The following SH3RF1 variants were observed in gnomAD, a reference collection of about 807,000 sequenced individuals.
SH3RF1 encodes the protein SH3 domain containing ring finger 1, also known as E3 ubiquitin-protein ligase SH3RF1.
A neutral mutation model predicts 74.0 loss-of-function variants in SH3RF1; 32 were observed. That is an observed-to-expected ratio of 0.43 (90% CI 0.33 to 0.58). The LOEUF (loss-of-function observed/expected upper bound fraction) is 0.58. Ranked by LOEUF, SH3RF1 falls within the 20% of genes least tolerant of loss-of-function variation. SH3RF1 has a pLI of 0.05. For synonymous variants in SH3RF1, 396 were observed against 439.6 expected, an observed-to-expected ratio of 0.90 and a Z score of 1.24; for missense variants, 954 against 1,130.9, an observed-to-expected ratio of 0.84 and a Z score of 2.24.
At chr4:169,218,982 A>G (rs1269190978) in intron 2 of SH3RF1, among the ~76,000 whole-genome samples, 1 of 152,178 alleles carries the variant, frequency 6.6e-6, no homozygotes. Flanking sequence ...GCTCTCTAAA[A>G]TATGCAAAGA....
In SH3RF1 at chr4:169,120,899, C is replaced by T. The variant is rs768016676; in HGVS notation, c.1437G>A (p.Gln479=). Residue 479 remains glutamine, a synonymous_variant, in exon 8 of 12, where the codon CAG becomes CAA. Coordinates refer to ENST00000284637, the MANE Select transcript of SH3RF1 (RefSeq NM_020870.4). The part of the protein sequence containing the change: ...GEMFLVFERC[Q]DGWFKGTSMH... ...TGGATGTCCCTTTGAACCAGCCATC[C>T]TGGCAGCGCTCAAACACTAAAAACA... 1.9e-6 allele frequency: 3 copies of T among 1,614,214 alleles called. No individual in the cohort carries two copies. Among genetic ancestry groups the T allele is most frequent in the Non-Finnish European group, 2.5e-6 (3 of 1,180,032 alleles).
intron 2 of SH3RF1, among the ~76,000 whole-genome samples, chr4:169,183,330 G>GA (rs1347758843): frequency 6.6e-6 from 1 of 152,210 alleles, no homozygotes; most frequent in Non-Finnish European, 1.5e-5. Context: ...CCCCAGGCTG[G>GA]AGTTCAATGG....
At position 169,269,237 on chromosome 4, in the gene SH3RF1, A is replaced by G. The variant is rs541645750; in HGVS notation, c.-25T>C. The G allele has an allele frequency of 1.3e-6, 2 of 1,530,374 alleles. No homozygotes were observed. Among genetic ancestry groups the G allele is most frequent in the East Asian group, 2.3e-5 (1 of 44,226 alleles). 94.8% of individuals were successfully genotyped at this position (1,530,374 alleles called of 1,614,324 possible). On this transcript the variant is annotated 5_prime_UTR_variant, in exon 2 of 12. Transcript: ENST00000284637. ...TCTTTATCTACTTTACTGAGAAAAAATCTTCAGAAATGTTCATAGTTGTGT... is the reference window on the plus strand; with the variant it reads ...TCTTTATCTACTTTACTGAGAAAAAGTCTTCAGAAATGTTCATAGTTGTGT...
At chr4:169,193,205 G>C (rs915910087) in intron 2 of SH3RF1, among the ~76,000 whole-genome samples, 1 of 151,992 alleles carries the variant, frequency 6.6e-6, no homozygotes, top group Non-Finnish European at 1.5e-5. Context: ...CAAGTGATGG[G>C]TGTCCAAAAT....
In SH3RF1 at chr4:169,106,844, T is replaced by C. The variant is rs750659487; in HGVS notation, c.2498+3A>G. Reference sequence around the variant, plus strand: ...TTTTTTCCTGGAACGAAGTTGAACTTACCTTTCACAAACGACAGGTCTAGA... The same window carrying C: ...TTTTTTCCTGGAACGAAGTTGAACTCACCTTTCACAAACGACAGGTCTAGA... On this transcript the variant is annotated splice_donor_region_variant and intron_variant, in intron 11 of 11. Transcript: ENST00000284637. The C allele has an allele frequency of 1.0e-5, 16 of 1,544,990 alleles. No individual in the cohort carries two copies. The African/African-American group carries it at 2.1e-4, about 20-fold the overall frequency.
At chr4:169,238,507 G>A (rs574363152) in intron 2 of SH3RF1, among the ~76,000 whole-genome samples, 1 of 152,318 alleles carries the variant, frequency 6.6e-6, no homozygotes, top group South Asian at 2.1e-4. Flanking sequence ...CCTGATAGAT[G>A]CCTGTGAGGT....
chr4:169,233,466 T>C (rs1388790293), intron 2 of SH3RF1, among the ~76,000 whole-genome samples: 1 of 152,192 alleles, frequency 6.6e-6, no homozygotes, highest in Admixed American at 6.5e-5. Flanking sequence ...TCAACAGCTA[T>C]TGATAACTAA....
chr4:169,178,585 G>A (rs1734460203), intron 2 of SH3RF1, among the ~76,000 whole-genome samples: 2 of 152,136 alleles, frequency 1.3e-5, no homozygotes, highest in Non-Finnish European at 2.9e-5. Context: ...GGGGCAAGAG[G>A]AGTCTGAAGG....
At chr4:169,121,055 C>A in intron 7 of SH3RF1, 66 bp from the exon 8 acceptor site, 3 of 1,332,038 alleles carry the variant, frequency 2.3e-6, no homozygotes, top group Admixed American at 1.7e-5. Flanking sequence ...GCTCAAAATT[C>A]TTCCTTGGTA....
intron 10 of SH3RF1, among the ~76,000 whole-genome samples, chr4:169,114,367 G>C (rs1481770629): frequency 6.6e-6 from 1 of 152,062 alleles, no homozygotes; most frequent in East Asian, 1.9e-4. Context: ...GAACATCCTT[G>C]AGTTTACACT....
Position 169,107,019 on chromosome 4 carries a change from C to T in SH3RF1, c.2326G>A (p.Asp776Asn). 1.2e-6 allele frequency: 2 copies of T among 1,613,934 alleles called. No homozygotes were observed. Among genetic ancestry groups the T allele is most frequent in the Non-Finnish European group, 1.7e-6 (2 of 1,179,982 alleles). Residue 776 changes from aspartate (D) to asparagine (N), a missense_variant, in exon 11 of 12, where the codon GAC becomes AAC. By Grantham distance (23) the Asp-to-Asn change is conservative (BLOSUM62 1). Coordinates refer to ENST00000284637, the MANE Select transcript of SH3RF1 (RefSeq NM_020870.4). ...GHGRAGSCPVDGDGPVTTAVA... is the reference protein window; with the variant it reads ...GHGRAGSCPVNGDGPVTTAVA... ...GCAGTCGTGACCGGTCCGTCCCCGT[C>T]CACAGGGCAGGAGCCTGCCCTGCCA...
intron 2 of SH3RF1, among the ~76,000 whole-genome samples, chr4:169,189,075 TTAAA>T (rs568973227): frequency 1.1e-3 from 170 of 152,376 alleles, no homozygotes; most frequent in Non-Finnish European, 2.1e-3. Flanking sequence ...TAGTTTGGGC[TTAAA>T]TAGTTATTCT....
At chr4:169,241,068 A>G (rs1395338759) in intron 2 of SH3RF1, among the ~76,000 whole-genome samples, 1 of 152,118 alleles carries the variant, frequency 6.6e-6, no homozygotes, top group African/African-American at 2.4e-5. Context: ...TTCTCTACTA[A>G]AAATACAAAA....
chr4:169,114,872 C>T (rs891288258), intron 10 of SH3RF1, among the ~76,000 whole-genome samples: 4 of 152,092 alleles, frequency 2.6e-5, no homozygotes, highest in Admixed American at 6.6e-5. Context: ...TTAAATAGAA[C>T]GACATACATT....
intron 2 of SH3RF1, among the ~76,000 whole-genome samples, chr4:169,168,931 G>A (rs1347807951): frequency 6.6e-6 from 1 of 152,190 alleles, no homozygotes; most frequent in Non-Finnish European, 1.5e-5. Flanking sequence ...AAAATGAAAT[G>A]AGAATATGAA....
At chr4:169,114,977 A>G (rs1733307420) in intron 10 of SH3RF1, among the ~76,000 whole-genome samples, 1 of 152,186 alleles carries the variant, frequency 6.6e-6, no homozygotes, top group African/African-American at 2.4e-5. Flanking sequence ...TATTGAGGAA[A>G]AAGTAATAAT....
chr4:169,136,733 T>G, intron 4 of SH3RF1, 113 bp from the exon 5 acceptor site: 3 of 1,171,808 alleles, frequency 2.6e-6, no homozygotes, highest in Non-Finnish European at 3.4e-6. Context: ...ACTTTAAAGT[T>G]TGCCTATGCA....
At chr4:169,136,644 A>C (rs1292881831) in intron 4 of SH3RF1, 24 bp from the exon 5 acceptor site, 2 of 1,474,590 alleles carry the variant, frequency 1.4e-6, no homozygotes, top group African/African-American at 2.8e-5. Context: ...CAACAAACCA[A>C]CACAAGAAGG....
At chr4:169,128,754 C>G (rs555607032) in intron 6 of SH3RF1, among the ~76,000 whole-genome samples, 1 of 152,280 alleles carries the variant, frequency 6.6e-6, no homozygotes, top group Admixed American at 6.5e-5. Flanking sequence ...CCTAAGCACT[C>G]TAGCAGAGGG....
Sources: gnomAD v4.1 joint callset for allele counts (sites outside exome capture counted in the v4.1 genomes callset) on GRCh38, gnomAD v4.1.1 for gene constraint, MANE v1.5 for transcripts, NCBI Gene and HGNC (gene_info 2026-07-23, HGNC 2026-07-21) for gene names.